GALNT7: variants seen among roughly 807,000 people sequenced by gnomAD.
GALNT7 encodes polypeptide N-acetylgalactosaminyltransferase 7.
Under a neutral mutation model 82.1 loss-of-function variants are expected in GALNT7, and 60 were observed. That is an observed-to-expected ratio of 0.73 (90% CI 0.59 to 0.91). The LOEUF is 0.91. Among genes scored for constraint, GALNT7 ranks in the 40% least tolerant of loss-of-function variants. The pLI is 0.00. For synonymous variants in GALNT7, 243 were observed against 275.1 expected (o/e 0.88, Z 1.15); for missense variants, 660 against 804.2 (o/e 0.82, Z 2.17).
At chr4:173,264,363 A>G (rs762236105) in intron 2 of GALNT7, among the ~76,000 whole-genome samples, 19 of 152,156 alleles carry the variant, frequency 1.2e-4, no homozygotes, top group Non-Finnish European at 2.4e-4. Context: ...TTTTCCCATC[A>G]GTGTCCATTA....
intron 2 of GALNT7, among the ~76,000 whole-genome samples, chr4:173,255,745 T>G (rs1228262671): frequency 6.6e-6 from 1 of 152,182 alleles, no homozygotes; most frequent in Non-Finnish European, 1.5e-5. Flanking sequence ...TAGTCATTGT[T>G]CTCTGCCAAA....
intron 2 of GALNT7, among the ~76,000 whole-genome samples, chr4:173,281,286 A>G (rs185319381): frequency 3.3e-5 from 5 of 152,050 alleles, no homozygotes; most frequent in African/African-American, 9.6e-5. Flanking sequence ...AGTAACTTCT[A>G]TTCAGTTCTC....
chr4:173,307,145 C>A (rs1737188825), intron 8 of GALNT7, among the ~76,000 whole-genome samples: 1 of 152,230 alleles, frequency 6.6e-6, no homozygotes, highest in Non-Finnish European at 1.5e-5. Flanking sequence ...GTATGGCTGC[C>A]AAGGTCATCC....
At chr4:173,286,501 G>A (rs1161050378) in intron 2 of GALNT7, among the ~76,000 whole-genome samples, 2 of 152,250 alleles carry the variant, frequency 1.3e-5, no homozygotes, top group African/African-American at 4.8e-5. Flanking sequence ...CCAGCCTTTA[G>A]CCACCAAGTT....
chr4:173,269,596 C>A (rs1735647627), intron 2 of GALNT7, among the ~76,000 whole-genome samples: 1 of 152,174 alleles, frequency 6.6e-6, no homozygotes, highest in Non-Finnish European at 1.5e-5. Context: ...GTGATAGTAT[C>A]ATATCCTCAG....
chr4:173,296,739 CA>C (rs1314283386), intron 5 of GALNT7, among the ~76,000 whole-genome samples: 3 of 152,186 alleles, frequency 2.0e-5, no homozygotes, highest in Non-Finnish European at 4.4e-5. Flanking sequence ...TAAGTGAGGA[CA>C]GTTAACTGAC....
chr4:173,240,357 A>ATTTTT (rs869162691), intron 1 of GALNT7, among the ~76,000 whole-genome samples: 1 of 104,148 alleles, frequency 9.6e-6, no homozygotes, highest in African/African-American at 4.1e-5. Flanking sequence ...ACACTGGCTA[A>ATTTTT]TTTTTTTTTT....
At position 173,313,991 on chromosome 4, in the gene GALNT7, G is replaced by T. The variant is rs1406539899; in HGVS notation, c.1423G>T (p.Glu475Ter). Residue 475 changes from glutamate to a stop codon, truncating the protein, a stop_gained, in exon 9 of 12, where the codon GAA becomes TAA. Transcript: ENST00000265000. LOFTEE classifies it high-confidence loss of function. ...YVRVVEVWWD[E>*]YKDYFYASRP... ...TAGAGTTGTGGAGGTTTGGTGGGAT[G>T]AATATAAAGACTACTTCTATGCTAG... 1 of 1,592,764 alleles carries T rather than the reference G, an allele frequency of 6.3e-7. No individual in the cohort carries two copies. Among genetic ancestry groups the T allele is most frequent in the Non-Finnish European group, 8.6e-7 (1 of 1,161,240 alleles).
At chr4:173,213,116 C>T (rs936352167) in intron 1 of GALNT7, among the ~76,000 whole-genome samples, 6 of 151,958 alleles carry the variant, frequency 3.9e-5, no homozygotes, top group South Asian at 2.1e-4. Flanking sequence ...TTTAAGTTGA[C>T]GAGATGATAA....
intron 1 of GALNT7, among the ~76,000 whole-genome samples, chr4:173,223,941 C>T (rs1050167547): frequency 1.3e-5 from 2 of 152,024 alleles, no homozygotes; most frequent in Admixed American, 1.3e-4. Flanking sequence ...TGGCAAATGA[C>T]GTCAGGTTGT....
chr4:173,207,303 T>C (rs888236498), intron 1 of GALNT7, among the ~76,000 whole-genome samples: 3 of 152,176 alleles, frequency 2.0e-5, no homozygotes, highest in Non-Finnish European at 4.4e-5. Flanking sequence ...ATACATTTTT[T>C]GTGAAAAATA....
chr4:173,300,364 A>T (rs1736878012), intron 6 of GALNT7, among the ~76,000 whole-genome samples: 1 of 152,182 alleles, frequency 6.6e-6, no homozygotes, highest in Non-Finnish European at 1.5e-5. Flanking sequence ...AAAACTCTGG[A>T]ACAGCAGCTG....
intron 1 of GALNT7, among the ~76,000 whole-genome samples, chr4:173,186,979 A>G (rs1366102230): frequency 2.6e-5 from 4 of 151,996 alleles, no homozygotes; most frequent in Non-Finnish European, 5.9e-5. Context: ...GATGGTCTCG[A>G]TCTCCTGACC....
At position 173,248,268 on chromosome 4, in the gene GALNT7, G is replaced by C. The variant is rs775940079; in HGVS notation, c.415G>C (p.Glu139Gln). 5.0e-6 allele frequency: 8 copies of C among 1,613,976 alleles called. No homozygotes were observed. Among genetic ancestry groups the C allele is most frequent in the Non-Finnish European group, 5.9e-6 (7 of 1,179,912 alleles). ...PGILGNFEPK[E>Q]PEPPGVVGGP... ...GATCCTCGGTAACTTTGAACCCAAA[G>C]AACCTGAGCCTCCTGGAGTGGTTGG... Residue 139 changes from glutamate (E) to glutamine (Q), a missense_variant, in exon 2 of 12, where the codon GAA becomes CAA. Coordinates refer to ENST00000265000, the MANE Select transcript of GALNT7 (RefSeq NM_017423.3).
rs141278347 is a variant in GALNT7, at chr4:173,243,569, G to C, written c.127-4411G>C. ...AGGAGTATGTAGCTTTCCTCCTCAGGGGAGTAAAGTATTACACCACTTTAT... is the reference window on the plus strand; with the variant it reads ...AGGAGTATGTAGCTTTCCTCCTCAGCGGAGTAAAGTATTACACCACTTTAT... On this transcript the variant is annotated intron_variant, in intron 1 of 11. Coordinates refer to ENST00000265000, the MANE Select transcript of GALNT7 (RefSeq NM_017423.3). 5.3e-3 allele frequency among the ~76,000 whole-genome samples: 802 copies of C among 152,160 alleles called. 10 individuals are homozygous for C. Among genetic ancestry groups the C allele is most frequent in the African/African-American group, 0.019 (774 of 41,488 alleles).
At chr4:173,171,553 T>C (rs1225612975) in intron 1 of GALNT7, among the ~76,000 whole-genome samples, 1 of 152,216 alleles carries the variant, frequency 6.6e-6, no homozygotes, top group Non-Finnish European at 1.5e-5. Context: ...CTTGGGATGG[T>C]CCTTTCTCAT....
rs543650453 is a variant in GALNT7, at chr4:173,255,576, C to G, written c.587+7136C>G. Reference sequence around the variant, plus strand: ...ACTAGATATCCCATAACAACCCACCCCAGTGACAGACAATTTCAGGAAAAC... The same window carrying G: ...ACTAGATATCCCATAACAACCCACCGCAGTGACAGACAATTTCAGGAAAAC... On this transcript the variant is annotated intron_variant, in intron 2 of 11. Transcript: ENST00000265000. Among the ~76,000 whole-genome samples the G allele has an allele frequency of 7.9e-5, 12 of 152,186 alleles. No homozygotes were observed. In the South Asian group the frequency reaches 2.5e-3, roughly 32 times the overall value.
intron 2 of GALNT7, among the ~76,000 whole-genome samples, chr4:173,251,767 A>T (rs1295250443): frequency 6.6e-6 from 1 of 152,116 alleles, no homozygotes; most frequent in East Asian, 1.9e-4. Flanking sequence ...TTTGTGTATT[A>T]TTTCTGTAAA....
intron 2 of GALNT7, among the ~76,000 whole-genome samples, chr4:173,280,915 A>C (rs1387216188): frequency 6.6e-6 from 1 of 152,182 alleles, no homozygotes; most frequent in African/African-American, 2.4e-5. Context: ...ACCAGAAAAG[A>C]GCTAAACTTT....
Sources: allele counts gnomAD v4.1 joint callset (sites outside exome capture counted in the v4.1 genomes callset), GRCh38; gene constraint gnomAD v4.1.1; transcripts MANE v1.5; gene names NCBI Gene and HGNC (gene_info 2026-07-23, HGNC 2026-07-21).